The following ZSWIM6 variants were observed in gnomAD, a reference collection of about 807,000 sequenced individuals.
The protein encoded by ZSWIM6 is zinc finger SWIM-type containing 6.
ZSWIM6 carries 9 observed loss-of-function variants against 113.2 expected under a neutral mutation model. That is an observed-to-expected ratio of 0.08 (90% CI 0.05 to 0.14). The LOEUF (loss-of-function observed/expected upper bound fraction) is 0.14. ZSWIM6 is among the 10% of genes least tolerant of loss of function. ZSWIM6 has a pLI of 1.00. For synonymous variants in ZSWIM6, 611 were observed against 606.5 expected, an observed-to-expected ratio of 1.01 and a Z score of -0.11; for missense variants, 1,162 against 1,552.2, an observed-to-expected ratio of 0.75 and a Z score of 4.22.
intron 9 of ZSWIM6, among the ~76,000 whole-genome samples, chr5:61,534,182 A>G (rs1233787529): frequency 6.6e-6 from 1 of 152,244 alleles, no homozygotes; most frequent in Admixed American, 6.5e-5. Context: ...AGGTGCAGTC[A>G]TAATGCTATA....
At chr5:61,459,539 C>G (rs528494837) in intron 1 of ZSWIM6, among the ~76,000 whole-genome samples, 104 of 152,308 alleles carry the variant, frequency 6.8e-4, no homozygotes, top group African/African-American at 2.3e-3. Context: ...TTAGTCACAA[C>G]TCTTTCATAT....
intron 1 of ZSWIM6, among the ~76,000 whole-genome samples, chr5:61,447,269 C>G (rs1746975348): frequency 6.6e-6 from 1 of 152,118 alleles, no homozygotes; most frequent in African/African-American, 2.4e-5. Flanking sequence ...GTCAGTTTAT[C>G]AAATTCTGAT....
intron 1 of ZSWIM6, among the ~76,000 whole-genome samples, chr5:61,383,150 T>A (rs1457164054): frequency 2.0e-5 from 3 of 152,372 alleles, no homozygotes; most frequent in East Asian, 1.9e-4. Context: ...TACATACTTT[T>A]AAAAAATAAG....
At chr5:61,456,590 A>G (rs1286108170) in intron 1 of ZSWIM6, among the ~76,000 whole-genome samples, 1 of 152,210 alleles carries the variant, frequency 6.6e-6, no homozygotes, top group Non-Finnish European at 1.5e-5. Context: ...TAGCCTTTCA[A>G]ATGAATTTCT....
chr5:61,389,682 C>T (rs1357543225), intron 1 of ZSWIM6, among the ~76,000 whole-genome samples: 1 of 151,608 alleles, frequency 6.6e-6, no homozygotes, highest in African/African-American at 2.4e-5. Context: ...AATCTTGAAT[C>T]TCAGAATACA....
intron 1 of ZSWIM6, among the ~76,000 whole-genome samples, chr5:61,469,809 G>A (rs187231358): frequency 1.8e-3 from 279 of 152,060 alleles, no homozygotes; most frequent in African/African-American, 6.3e-3. Context: ...CCGGGTTCAC[G>A]CCATTCTTCT....
chr5:61,343,257 G>GAT (rs1020585607), intron 1 of ZSWIM6, among the ~76,000 whole-genome samples: 8 of 152,170 alleles, frequency 5.3e-5, no homozygotes, highest in Non-Finnish European at 1.0e-4. Context: ...AAGCTGATCA[G>GAT]ATACTTTGGA....
At position 61,443,984 on chromosome 5, in the gene ZSWIM6, G is replaced by A. The variant is rs550985888; in HGVS notation, c.677-28697G>A. ...TATTATACTTTAAGTTTTAGGGTACGTGTGCACAATGTGCAGGTTTGTTAC... is the reference window on the plus strand; with the variant it reads ...TATTATACTTTAAGTTTTAGGGTACATGTGCACAATGTGCAGGTTTGTTAC... On this transcript the variant is annotated intron_variant, in intron 1 of 13. Transcript: ENST00000252744. Among the ~76,000 whole-genome samples the A allele has an allele frequency of 1.1e-4, 16 of 151,838 alleles. No homozygotes were observed. In the South Asian group the frequency reaches 1.9e-3, roughly 18 times the overall value.
At position 61,505,654 on chromosome 5, in the gene ZSWIM6, CCTTCCTTCCTTCCTTCCTTCTTTCCTTG is replaced by C. The variant is rs1241897141; in HGVS notation, c.1333+11246_1333+11273del. Among the ~76,000 whole-genome samples the C allele has an allele frequency of 3.4e-4, 38 of 111,002 alleles. 1 individual carries two copies. The highest frequency in any genetic ancestry group is 5.9e-4 in the Admixed American group (7 of 11,886). The allele number at this position is 111,002 out of a possible 152,430, so 72.8% of individuals were successfully genotyped here. ...TCCTTCCTTCCTTCCTTCCTTCCTTCCTTCCTTCCTTCCTTCCTTCTTTCCTTGCCTCCCTCCCTCCCTTCCTTCCTCC... is the reference window on the plus strand; with the variant it reads ...TCCTTCCTTCCTTCCTTCCTTCCTTCCCTCCCTCCCTCCCTTCCTTCCTCC... On this transcript the variant is annotated intron_variant, in intron 4 of 13. Transcript: ENST00000252744.
At chr5:61,340,328 T>C (rs1366281230) in intron 1 of ZSWIM6, among the ~76,000 whole-genome samples, 1 of 152,204 alleles carries the variant, frequency 6.6e-6, no homozygotes, top group Non-Finnish European at 1.5e-5. Context: ...TGTCAGCTAA[T>C]GTATGTGTGT....
intron 1 of ZSWIM6, among the ~76,000 whole-genome samples, chr5:61,398,780 G>A (rs1691162376): frequency 6.6e-6 from 1 of 152,116 alleles, no homozygotes; most frequent in Non-Finnish European, 1.5e-5. Flanking sequence ...AAATTTCTCT[G>A]AGTTATGAAG....
Position 61,494,121 on chromosome 5 carries a change from A to AT in ZSWIM6, c.1183-139_1183-138insT, listed in dbSNP as rs1748256529. 1.1e-5 allele frequency: 10 copies of AT among 871,066 alleles called. No individual in the cohort carries two copies. The South Asian group carries it at 1.6e-4, about 14-fold the overall frequency. 54.0% of individuals were successfully genotyped at this position (871,066 alleles called of 1,614,324 possible). ...CTTGACATCTCCCCGCCTATCCTCC[A>AT]CCACACACACACACACACACACACG... is the stretch of plus-strand genomic sequence containing the variant. On this transcript the variant is annotated intron_variant, in intron 3 of 13. Transcript: ENST00000252744.
intron 2 of ZSWIM6, among the ~76,000 whole-genome samples, chr5:61,490,268 T>A (rs563219499): frequency 6.6e-6 from 1 of 152,216 alleles, no homozygotes; most frequent in African/African-American, 2.4e-5. Context: ...TGTTCCCATG[T>A]GGCTTGATTT....
intron 1 of ZSWIM6, among the ~76,000 whole-genome samples, chr5:61,423,084 T>C (rs1310917333): frequency 3.3e-5 from 5 of 152,172 alleles, no homozygotes; most frequent in South Asian, 2.1e-4. Flanking sequence ...CTGATTACTT[T>C]AACTAGAACT....
chr5:61,521,221 A>G (rs1749112707), intron 4 of ZSWIM6, 42 bp from the exon 5 acceptor site: 2 of 1,211,356 alleles, frequency 1.7e-6, no homozygotes, highest in Non-Finnish European at 2.1e-6. Context: ...GGATGTTTTT[A>G]TAATTTTTGA....
chr5:61,404,031 G>A (rs1464625544), intron 1 of ZSWIM6, among the ~76,000 whole-genome samples: 35 of 149,266 alleles, frequency 2.3e-4, no homozygotes, highest in African/African-American at 7.9e-4. Flanking sequence ...TTTTTGAGAC[G>A]GAGTCTCGCT....
chr5:61,431,287 C>T (rs367717934), intron 1 of ZSWIM6, among the ~76,000 whole-genome samples: 2 of 137,148 alleles, frequency 1.5e-5, no homozygotes, highest in Non-Finnish European at 3.1e-5. Flanking sequence ...GCAGGGGAAT[C>T]GCTTGAATCT....
intron 1 of ZSWIM6, among the ~76,000 whole-genome samples, chr5:61,392,025 G>A (rs1561219715): frequency 6.6e-6 from 1 of 152,154 alleles, no homozygotes. Flanking sequence ...AGATTGACAT[G>A]CATTCGTGTT....
intron 1 of ZSWIM6, among the ~76,000 whole-genome samples, chr5:61,363,350 A>G (rs1234069036): frequency 6.6e-6 from 1 of 152,264 alleles, no homozygotes; most frequent in Non-Finnish European, 1.5e-5. Flanking sequence ...TAGAATTGGT[A>G]AGAATACCCT....
Sources: gnomAD v4.1 joint callset for allele counts (sites outside exome capture counted in the v4.1 genomes callset) on GRCh38, gnomAD v4.1.1 for gene constraint, MANE v1.5 for transcripts, NCBI Gene and HGNC (gene_info 2026-07-23, HGNC 2026-07-21) for gene names.